The following ADAM18 variants were observed in gnomAD, a reference collection of about 807,000 sequenced individuals.
ADAM18 encodes the protein ADAM metallopeptidase domain 18, also known as disintegrin and metalloproteinase domain-containing protein 18.
ADAM18 carries 117 observed loss-of-function variants against 94.4 expected under a neutral mutation model. The ratio of observed to expected loss-of-function variants is 1.24; its 90% CI spans 1.07 to 1.45. The LOEUF (loss-of-function observed/expected upper bound fraction) is 1.45, where lower values mean the gene tolerates loss of function less well. ADAM18 is among the 40% of genes most tolerant of loss of function. ADAM18 has a pLI of 0.00. For synonymous variants in ADAM18, 327 were observed against 291.6 expected (o/e 1.12, Z -1.24); for missense variants, 936 against 880.0 (o/e 1.06, Z -0.81).
rs771550835 is a variant in ADAM18 at position 39,606,388 on chromosome 8, A to G, written c.188+26A>G. ...GTAAGATATGATTTTTTTTTCATTA[A>G]GGAAAAGGGAAAGCTTTAAGTTTAG... On this transcript the variant is annotated intron_variant, in intron 3 of 19. Coordinates refer to ENST00000265707, the MANE Select transcript of ADAM18 (RefSeq NM_014237.3). 3.5e-6 allele frequency: 5 copies of G among 1,441,842 alleles called. No homozygotes were observed. In the Admixed American group the frequency reaches 6.4e-5, roughly 18 times the overall value. The allele number at this position is 1,441,842 out of a possible 1,614,324, so 89.3% of individuals were successfully genotyped here. A position where few individuals can be genotyped will look rare whatever the true frequency, so the allele number is the denominator to read the frequency against.
At chr8:39,728,903 A>G (rs1822997185) in intron 19 of ADAM18, among the ~76,000 whole-genome samples, 1 of 152,220 alleles carries the variant, frequency 6.6e-6, no homozygotes, top group South Asian at 2.1e-4. Flanking sequence ...AATTGAAATT[A>G]GGTAATTCTA....
At chr8:39,653,488 G>A (rs1820596508) in intron 12 of ADAM18, among the ~76,000 whole-genome samples, 1 of 152,026 alleles carries the variant, frequency 6.6e-6, no homozygotes, top group African/African-American at 2.4e-5. Flanking sequence ...TATTAAAAAA[G>A]TGAATAAATA....
chr8:39,649,323 A>G (rs1217648784), intron 12 of ADAM18, among the ~76,000 whole-genome samples: 1 of 152,128 alleles, frequency 6.6e-6, no homozygotes, highest in Non-Finnish European at 1.5e-5. Flanking sequence ...GTATATACAC[A>G]CACATATATC....
rs1339992444 is a variant in ADAM18 at position 39,637,307 on chromosome 8, T to C, written c.632T>C (p.Ile211Thr). 6 of 1,606,756 alleles carry C rather than the reference T, an allele frequency of 3.7e-6. No individual in the cohort carries two copies. In the Admixed American group the frequency reaches 6.7e-5, roughly 18 times the overall value. Residue 211 changes from isoleucine to threonine, a missense_variant, in exon 8 of 20, where the codon ATT (isoleucine) becomes ACT (threonine). Coordinates refer to ENST00000265707, the MANE Select transcript of ADAM18 (RefSeq NM_014237.3). ...GAAATGATGGCTGTAACACAAAAAA[T>C]TGTCCAGGTTATTGGGCTTGTCAAC... ...GSEMMAVTQK[I>T]VQVIGLVNTM... is the part of the protein sequence containing the mutation.
At chr8:39,657,237 C>T (rs1337141502) in intron 12 of ADAM18, among the ~76,000 whole-genome samples, 2 of 152,074 alleles carry the variant, frequency 1.3e-5, no homozygotes, top group Admixed American at 1.3e-4. Context: ...AAAAATAAAA[C>T]TATTATAGAC....
At chr8:39,621,284 T>C (rs1177567412) in intron 6 of ADAM18, among the ~76,000 whole-genome samples, 2 of 149,516 alleles carry the variant, frequency 1.3e-5, no homozygotes, top group African/African-American at 4.9e-5. Flanking sequence ...TTTTTAAATG[T>C]GACATGAACA....
chr8:39,644,241 C>T (rs1212791118), intron 10 of ADAM18, among the ~76,000 whole-genome samples: 1 of 151,974 alleles, frequency 6.6e-6, no homozygotes, highest in Non-Finnish European at 1.5e-5. Flanking sequence ...CACTTTGAGT[C>T]CACACTGTTA....
intron 2 of ADAM18, chr8:39,605,894 T>G (rs964273020): frequency 2.9e-5 from 5 of 172,574 alleles, no homozygotes; most frequent in African/African-American, 1.2e-4. Context: ...AATTCCATTG[T>G]GTCATTCTTA....
At chr8:39,621,308 A>ATC (rs1343862426) in intron 6 of ADAM18, among the ~76,000 whole-genome samples, 4 of 103,374 alleles carry the variant, frequency 3.9e-5, no homozygotes, top group African/African-American at 1.1e-4. Context: ...GCATGACAAA[A>ATC]TCACACACAC....
In ADAM18 at chr8:39,610,584, G is replaced by A; in HGVS notation, c.400G>A (p.Ala134Thr). 1.2e-6 allele frequency: 2 copies of A among 1,611,792 alleles called. No individual in the cohort carries two copies. The highest frequency in any genetic ancestry group is 1.7e-6 in the Non-Finnish European group (2 of 1,178,690). The change falls in exon 6 of 20, where the codon GCA (alanine) becomes ACA (threonine). Residue 134 changes from alanine to threonine, a missense_variant. By Grantham distance (58) the Ala-to-Thr change is moderately conservative. Coordinates refer to ENST00000265707, the MANE Select transcript of ADAM18 (RefSeq NM_014237.3). ...SYGIEPVESS[A>T]RFEHIIYQMK... The stretch of plus-strand genomic sequence containing the variant: ...TGGAATTGAACCAGTAGAATCTTCA[G>A]CAAGATTTGAGCATATAATTTATCA...
rs1820117986 is a variant in ADAM18 at position 39,637,594 on chromosome 8, G to A, written c.718G>A (p.Glu240Lys). 1.2e-6 allele frequency: 2 copies of A among 1,612,720 alleles called. No individual in the cohort carries two copies. The highest frequency in any genetic ancestry group is 4.5e-5 in the East Asian group (2 of 44,750). The change falls in exon 9 of 20, where the codon GAA becomes AAA. Residue 240 changes from glutamate to lysine, a missense_variant. Physicochemically the swap from Glu to Lys is moderately conservative, Grantham distance 56. Transcript: ENST00000265707. Reference protein sequence around the residue: ...ILSSLELWSNENQISTSGDAD... With the variant: ...ILSSLELWSNKNQISTSGDAD... ...GTCTTCCTTGGAATTGTGGTCAAAT[G>A]AAAACCAGATTTCCACCAGTGGGGA...
chr8:39,669,754 G>A (rs1460978190), intron 14 of ADAM18, among the ~76,000 whole-genome samples: 5 of 152,036 alleles, frequency 3.3e-5, no homozygotes, highest in Non-Finnish European at 7.4e-5. Context: ...TTGCTATTGT[G>A]AATAGTGCCA....
intron 2 of ADAM18, among the ~76,000 whole-genome samples, chr8:39,596,261 T>G (rs890710839): frequency 6.6e-6 from 1 of 152,204 alleles, no homozygotes; most frequent in African/African-American, 2.4e-5. Context: ...AAATGTATAA[T>G]GACATGTATC....
intron 7 of ADAM18, among the ~76,000 whole-genome samples, chr8:39,632,281 GTATATTCC>G (rs1433754682): frequency 6.6e-6 from 1 of 151,844 alleles, no homozygotes; most frequent in Non-Finnish European, 1.5e-5. Flanking sequence ...AGACTGATGT[GTATATTCC>G]TAAATTTTCC....
chr8:39,662,410 A>G (rs1420658177), intron 12 of ADAM18, among the ~76,000 whole-genome samples: 2 of 152,176 alleles, frequency 1.3e-5, no homozygotes, highest in African/African-American at 4.8e-5. Context: ...GTCCATTTAC[A>G]TGCATACATA....
intron 15 of ADAM18, among the ~76,000 whole-genome samples, chr8:39,678,786 A>G (rs1201485593): frequency 6.6e-6 from 1 of 152,230 alleles, no homozygotes; most frequent in Admixed American, 6.5e-5. Context: ...ATGTGATAAT[A>G]GTACATGAAT....
intron 16 of ADAM18, among the ~76,000 whole-genome samples, chr8:39,690,367 G>A (rs1821739122): frequency 6.6e-6 from 1 of 152,056 alleles, no homozygotes; most frequent in Admixed American, 6.5e-5. Flanking sequence ...GGCAGTAGGG[G>A]TGCTCTGTTG....
At chr8:39,664,367 T>C (rs2129580109) in intron 13 of ADAM18, among the ~76,000 whole-genome samples, 1 of 152,262 alleles carries the variant, frequency 6.6e-6, no homozygotes, top group Non-Finnish European at 1.5e-5. Context: ...TGAGAAGATG[T>C]GTGTAAGTTA....
In ADAM18 at chr8:39,730,004, C is replaced by T. The variant is rs928890872; in HGVS notation, c.*64C>T. The T allele has an allele frequency of 1.0e-5, 15 of 1,493,984 alleles. No individual in the cohort carries two copies. Among genetic ancestry groups the T allele is most frequent in the South Asian group, 5.7e-5 (5 of 87,902 alleles). 92.5% of individuals were successfully genotyped at this position (1,493,984 alleles called of 1,614,324 possible). On this transcript the variant is annotated 3_prime_UTR_variant, in exon 20 of 20. Transcript: ENST00000265707. ...CGAATGTGCTTTATTTATAACCTTA[C>T]GTTATCCCCAATGCATTGTAAATGT...
Sources: allele counts gnomAD v4.1 joint callset (sites outside exome capture counted in the v4.1 genomes callset), GRCh38; gene constraint gnomAD v4.1.1; transcripts MANE v1.5; gene names NCBI Gene and HGNC (gene_info 2026-07-23, HGNC 2026-07-21).